The following NRXN3 variants were observed in gnomAD, a reference collection of about 807,000 sequenced individuals.
The protein encoded by NRXN3 is neurexin 3.
NRXN3 carries 32 observed loss-of-function variants against 137.6 expected under a neutral mutation model. The observed-to-expected ratio is 0.23, with a 90% CI of 0.18 to 0.31. The LOEUF is 0.31. Among genes scored for constraint, NRXN3 ranks in the 10% least tolerant of loss-of-function variants. NRXN3 has a pLI of 1.00. For missense variants in NRXN3, 1,574 were observed against 2,062.5 expected, an observed-to-expected ratio of 0.76 and a Z score of 4.59; for synonymous variants, 798 against 784.5, an observed-to-expected ratio of 1.02 and a Z score of -0.29.
At chr14:78,711,983 T>G (rs1278654302) in intron 7 of NRXN3, among the ~76,000 whole-genome samples, 1 of 152,200 alleles carries the variant, frequency 6.6e-6, no homozygotes, top group African/African-American at 2.4e-5. Flanking sequence ...TCTTGAAGAA[T>G]AATATAACAA....
In NRXN3 at chr14:78,873,524, C is replaced by A. The variant is rs538991612; in HGVS notation, c.2275+63180C>A. On this transcript the variant is annotated intron_variant, in intron 10 of 20. Coordinates refer to ENST00000335750, the MANE Select transcript of NRXN3 (RefSeq NM_001330195.2). ...GGCCTTTATTCATTTGTTCAACAGG[C>A]TTTTACTGCTTGCCTATCATGGGAA... Among the ~76,000 whole-genome samples the A allele has an allele frequency of 3.3e-5, 5 of 152,244 alleles. No individual in the cohort carries two copies. In the South Asian group the frequency reaches 1.0e-3, roughly 32 times the overall value.
chr14:79,564,120 G>T (rs981692391), intron 16 of NRXN3, among the ~76,000 whole-genome samples: 1 of 151,518 alleles, frequency 6.6e-6, no homozygotes, highest in African/African-American at 2.4e-5. Context: ...ACATGTGTAA[G>T]TGTATTGATA....
intron 15 of NRXN3, among the ~76,000 whole-genome samples, chr14:79,257,364 G>A (rs866872794): frequency 5.8e-4 from 55 of 95,326 alleles, no homozygotes; most frequent in South Asian, 1.5e-3. Flanking sequence ...GGTGGTGGTG[G>A]TGGTGGTGGT....
intron 16 of NRXN3, among the ~76,000 whole-genome samples, chr14:79,539,943 T>C (rs924535442): frequency 4.6e-5 from 7 of 152,164 alleles, no homozygotes; most frequent in African/African-American, 1.4e-4. Context: ...CTAGGGACTT[T>C]TCTTCTCCCA....
intron 20 of NRXN3, among the ~76,000 whole-genome samples, chr14:79,814,115 TTACA>T (rs1421829078): frequency 2.0e-5 from 3 of 152,242 alleles, no homozygotes; most frequent in African/African-American, 7.2e-5. Flanking sequence ...GTTGTGGGAA[TTACA>T]TTCTTTTGTA....
In NRXN3 at chr14:79,866,571, G is replaced by A. The variant is rs1025817178; in HGVS notation, c.*4607G>A. The stretch of plus-strand genomic sequence containing the variant: ...GACAGACTGCAAAAAGTACATTGGA[G>A]GAAGATATGAGTAGGAAGGTTTTTG... On this transcript the variant is annotated 3_prime_UTR_variant, in exon 21 of 21. Coordinates refer to ENST00000335750, the MANE Select transcript of NRXN3 (RefSeq NM_001330195.2). 13 of 152,266 alleles carry A rather than the reference G, an allele frequency of 8.5e-5. No individual in the cohort carries two copies. The highest frequency in any genetic ancestry group is 2.6e-4 in the African/African-American group (11 of 41,564). The allele number at this position is 152,266 out of a possible 1,614,324, so 9.4% of individuals were successfully genotyped here.
At chr14:78,556,033 G>T (rs1044310835) in intron 4 of NRXN3, among the ~76,000 whole-genome samples, 1 of 152,214 alleles carries the variant, frequency 6.6e-6, no homozygotes, top group Non-Finnish European at 1.5e-5. Context: ...CAAAGGCAAG[G>T]TTCCTATGTG....
At chr14:78,269,718 A>C (rs1011262192) in intron 2 of NRXN3, among the ~76,000 whole-genome samples, 1 of 152,194 alleles carries the variant, frequency 6.6e-6, no homozygotes, top group Non-Finnish European at 1.5e-5. Flanking sequence ...CAGAGCAGCT[A>C]TAGTATGCCT....
At position 78,505,655 on chromosome 14, in the gene NRXN3, ACAAT is replaced by A. The variant is rs550746167; in HGVS notation, c.758-139462_758-139459del. Among the ~76,000 whole-genome samples the A allele has an allele frequency of 6.0e-3, 909 of 152,338 alleles. 6 individuals are homozygous for A. The highest frequency in any genetic ancestry group is 0.021 in the African/African-American group (857 of 41,582). On this transcript the variant is annotated intron_variant, in intron 4 of 20. Transcript: ENST00000335750. Reference sequence around the variant, plus strand: ...ATCACATAATATTCCATAAATGTATACAATCATTTATCTATCAAAAATAATAACA... The same window carrying A: ...ATCACATAATATTCCATAAATGTATACATTTATCTATCAAAAATAATAACA...
intron 2 of NRXN3, among the ~76,000 whole-genome samples, chr14:78,247,659 T>G (rs1454777230): frequency 6.6e-6 from 1 of 152,206 alleles, no homozygotes; most frequent in African/African-American, 2.4e-5. Context: ...TTCATCTGGC[T>G]TTTTGTTTAG....
chr14:78,721,928 G>A (rs576308015), intron 8 of NRXN3, among the ~76,000 whole-genome samples: 1 of 148,222 alleles, frequency 6.7e-6, no homozygotes, highest in African/African-American at 2.6e-5. Flanking sequence ...GCAGAGCACA[G>A]ATTCAGCCTC....
intron 15 of NRXN3, among the ~76,000 whole-genome samples, chr14:79,203,427 A>G (rs1438364890): frequency 1.3e-5 from 2 of 152,208 alleles, no homozygotes; most frequent in African/African-American, 4.8e-5. Flanking sequence ...TTAGAGCAGT[A>G]GATAAATGAA....
intron 10 of NRXN3, among the ~76,000 whole-genome samples, chr14:78,937,848 T>G (rs2099345158): frequency 6.6e-6 from 1 of 152,276 alleles, no homozygotes; most frequent in Non-Finnish European, 1.5e-5. Flanking sequence ...CTCAAAAACC[T>G]GACTGCTTAA....
At chr14:78,280,355 G>T (rs1214975214) in intron 3 of NRXN3, among the ~76,000 whole-genome samples, 2 of 152,148 alleles carry the variant, frequency 1.3e-5, no homozygotes, top group East Asian at 1.9e-4. Flanking sequence ...AGTATCAGGG[G>T]GTGGATGGGA....
chr14:78,359,038 A>T (rs561493117), intron 4 of NRXN3, among the ~76,000 whole-genome samples: 1 of 152,298 alleles, frequency 6.6e-6, no homozygotes, highest in Non-Finnish European at 1.5e-5. Context: ...AAGCCAGTTT[A>T]TGGGCATAGG....
chr14:79,629,671 A>AC (rs1164627601), intron 16 of NRXN3, among the ~76,000 whole-genome samples: 15 of 152,186 alleles, frequency 9.9e-5, no homozygotes, highest in Admixed American at 6.5e-4. Context: ...AAGCAGGGTG[A>AC]CAAAGTGTGC....
At chr14:78,984,532 T>C (rs376636375) in intron 14 of NRXN3, among the ~76,000 whole-genome samples, 4 of 152,134 alleles carry the variant, frequency 2.6e-5, no homozygotes, top group African/African-American at 9.7e-5. Flanking sequence ...CATTTGAATC[T>C]GGAGAAAGCA....
At chr14:78,349,525 G>T (rs1191560371) in intron 4 of NRXN3, among the ~76,000 whole-genome samples, 2 of 152,140 alleles carry the variant, frequency 1.3e-5, no homozygotes, top group African/African-American at 4.8e-5. Flanking sequence ...TTTTAAAGTA[G>T]CTCTCTATCT....
intron 16 of NRXN3, among the ~76,000 whole-genome samples, chr14:79,584,631 G>A (rs147823310): frequency 6.6e-6 from 1 of 152,252 alleles, no homozygotes; most frequent in Non-Finnish European, 1.5e-5. Context: ...TACAGATTCG[G>A]AGAATAGATT....
Sources: allele counts gnomAD v4.1 joint callset (sites outside exome capture counted in the v4.1 genomes callset), GRCh38; gene constraint gnomAD v4.1.1; transcripts MANE v1.5; gene names NCBI Gene and HGNC (gene_info 2026-07-23, HGNC 2026-07-21).